The following SYNPO variants were observed in gnomAD, a reference collection of about 807,000 sequenced individuals.
SYNPO encodes the protein synaptopodin.
SYNPO carries 19 observed loss-of-function variants against 49.5 expected under a neutral mutation model. That is an observed-to-expected ratio of 0.38 (90% confidence interval 0.27 to 0.56). The LOEUF (loss-of-function observed/expected upper bound fraction) is 0.56. Ranked by LOEUF, SYNPO falls within the 20% of genes least tolerant of loss-of-function variation. SYNPO has a pLI of 0.68. For missense variants in SYNPO, 1,131 were observed against 1,248.3 expected, an observed-to-expected ratio of 0.91 and a Z score of 1.42; for synonymous variants, 536 against 548.0, an observed-to-expected ratio of 0.98 and a Z score of 0.31.
intron 1 of SYNPO, among the ~76,000 whole-genome samples, chr5:150,646,068 G>A: frequency 6.6e-6 from 1 of 152,060 alleles, no homozygotes; most frequent in East Asian, 1.9e-4. Flanking sequence ...AGTGGCTCAT[G>A]CCTATAATCT....
intron 1 of SYNPO, among the ~76,000 whole-genome samples, chr5:150,609,724 A>G (rs1359120880): frequency 6.9e-6 from 1 of 145,056 alleles, no homozygotes; most frequent in Non-Finnish European, 1.5e-5. Context: ...CCGAAATCAT[A>G]GTATCCGTCT....
In SYNPO at chr5:150,648,910, G is replaced by C; in HGVS notation, c.635G>C (p.Arg212Pro). 6.2e-7 allele frequency: 1 copy of C among 1,614,172 alleles called. No homozygotes were observed. Among genetic ancestry groups the C allele is most frequent in the South Asian group, 1.1e-5 (1 of 91,086 alleles). The part of the protein sequence containing the change: ...VVSADQEMSG[R>P]AAATTPTKVY... ...TCAGCAGATCAAGAGATGTCTGGGC[G>C]AGCAGCTGCCACCACGCCCACCAAG... Residue 212 changes from arginine (R) to proline (P), a missense_variant, in exon 2 of 3, where the codon CGA becomes CCA. Physicochemically the swap from Arg to Pro is moderately radical, Grantham distance 103. Transcript: ENST00000307662. The surrounding 1 kb of genome is among the most constrained non-coding windows in gnomAD (Gnocchi z 5.0).
At chr5:150,615,850 C>T (rs1756969619) in intron 1 of SYNPO, among the ~76,000 whole-genome samples, 1 of 152,308 alleles carries the variant, frequency 6.6e-6, no homozygotes, top group African/African-American at 2.4e-5. Context: ...GTGCCTTAGG[C>T]AAGAAGTCAC....
chr5:150,619,791 C>T (rs1056127069), intron 2 of SYNPO, among the ~76,000 whole-genome samples: 1 of 152,302 alleles, frequency 6.6e-6, no homozygotes, highest in South Asian at 2.1e-4. Context: ...CCAGCCTTCC[C>T]GCCCACTCTT....
Position 150,650,555 on chromosome 5 carries a change from T to C in SYNPO, c.2028+252T>C, listed in dbSNP as rs1758338854. 3.4e-6 allele frequency: 5 copies of C among 1,462,004 alleles called. No homozygotes were observed. The South Asian group carries it at 7.3e-5, about 21-fold the overall frequency. 90.6% of individuals were successfully genotyped at this position (1,462,004 alleles called of 1,614,324 possible). On this transcript the variant is annotated intron_variant, in intron 2 of 2. Transcript: ENST00000307662. Reference sequence around the variant, plus strand: ...CTACTACAACAGGGGTCGGACTCCATGTCTGAGCGGGGAGGAGGGTCATGG... The same window carrying C: ...CTACTACAACAGGGGTCGGACTCCACGTCTGAGCGGGGAGGAGGGTCATGG...
intron 2 of SYNPO, among the ~76,000 whole-genome samples, chr5:150,627,255 C>G (rs1581477360): frequency 6.6e-6 from 1 of 152,178 alleles, no homozygotes; most frequent in African/African-American, 2.4e-5. Flanking sequence ...ACTGGTGAGG[C>G]CCTGCAGGCT....
At chr5:150,652,609 T>A (rs1758429688) in intron 2 of SYNPO, 1 of 173,112 alleles carries the variant, frequency 5.8e-6, no homozygotes, top group South Asian at 1.9e-4. Context: ...TCCCTCAGAG[T>A]TTGGCCAAAA....
the SYNPO span, among the ~76,000 whole-genome samples, chr5:150,588,250 T>C: frequency 6.6e-5 from 10 of 152,284 alleles, 1 homozygote; most frequent in Non-Finnish European, 1.5e-4. Context: ...CCACCGGCCA[T>C]ATCTCCATGC....
At position 150,657,040 on chromosome 5, in the gene SYNPO, C is replaced by T. The variant is rs530746865; in HGVS notation, c.2665C>T (p.Arg889Trp). The change falls in exon 3 of 3, where the codon CGG becomes TGG. Residue 889 changes from arginine to tryptophan, a missense_variant. Around this residue, in one of 4 missense-constraint regions of SYNPO, gnomAD observed 509 missense variants for 484.5 expected, o/e 1.05. Transcript: ENST00000307662. ...TCCCCGCGGGTGGAATGGCAGCCTT[C>T]GGCTCAAGCGTGGCAGCCTCCCCGC... ...ICPRGWNGSL[R>W]LKRGSLPAEA... 4.4e-6 allele frequency: 7 copies of T among 1,601,374 alleles called. No individual in the cohort carries two copies. In the African/African-American group the frequency reaches 5.3e-5, roughly 12 times the overall value.
In SYNPO at chr5:150,626,737, A is replaced by G. The variant is rs564224791; in HGVS notation, c.400+7970A>G. Among the ~76,000 whole-genome samples, 184 of 152,270 alleles carry G rather than the reference A, an allele frequency of 1.2e-3. 1 individual carries two copies. The highest frequency in any genetic ancestry group is 4.2e-3 in the African/African-American group (173 of 41,556). On this transcript the variant is annotated intron_variant, in intron 2 of 2. Coordinates refer to the SYNPO transcript ENST00000394243. ...GTTCTTCCGTGGCATTTTATCCAGT[A>G]TCCGATTTTAGAATTGGGGAGACTG...
At chr5:150,616,841 A>C (rs912560989) in intron 1 of SYNPO, among the ~76,000 whole-genome samples, 1 of 151,640 alleles carries the variant, frequency 6.6e-6, no homozygotes, top group Non-Finnish European at 1.5e-5. Context: ...CCCCCTCCTC[A>C]CCACCCCTTA....
chr5:150,650,743 G>A, intron 2 of SYNPO: 4 of 1,300,778 alleles, frequency 3.1e-6, no homozygotes, highest in Non-Finnish European at 3.9e-6. Flanking sequence ...AGTGCCTGTG[G>A]AGTCAGCCAG....
intron 1 of SYNPO, among the ~76,000 whole-genome samples, chr5:150,602,665 G>A (rs996357931): frequency 1.3e-5 from 2 of 152,048 alleles, no homozygotes; most frequent in Non-Finnish European, 2.9e-5. Flanking sequence ...CTGTCACCCA[G>A]GCTGGAGTCT....
At chr5:150,587,213 G>T in the SYNPO span, among the ~76,000 whole-genome samples, 3 of 147,238 alleles carry the variant, frequency 2.0e-5, no homozygotes, top group Admixed American at 1.3e-4. Flanking sequence ...GATGGATATA[G>T]GGATGCATGG....
At chr5:150,594,541 G>A in the SYNPO span, among the ~76,000 whole-genome samples, 6 of 152,256 alleles carry the variant, frequency 3.9e-5, no homozygotes, top group South Asian at 1.2e-3. Context: ...TCACTGTGTG[G>A]CCTTTGTCAA....
intron 1 of SYNPO, among the ~76,000 whole-genome samples, chr5:150,615,530 C>T (rs935638399): frequency 6.6e-6 from 1 of 152,220 alleles, no homozygotes; most frequent in Non-Finnish European, 1.5e-5. Flanking sequence ...CCTGCAATGC[C>T]ACAGTTGGAC....
In SYNPO at chr5:150,657,130, A is replaced by G. The variant is rs1758603676; in HGVS notation, c.*43A>G. ...CACCCCGGGAGGGCAGAGCCAGAAG[A>G]AGGCTCATTAGACCTGGGGGACCCA... is the stretch of plus-strand genomic sequence containing the variant. On this transcript the variant is annotated 3_prime_UTR_variant, in exon 3 of 3. Transcript: ENST00000307662. 6.8e-7 allele frequency: 1 copy of G among 1,468,938 alleles called. No individual in the cohort carries two copies. The highest frequency in any genetic ancestry group is 1.2e-5 in the South Asian group (1 of 81,610). The allele number at this position is 1,468,938 out of a possible 1,614,324, so 91.0% of individuals were successfully genotyped here. A position where few individuals can be genotyped will look rare whatever the true frequency, so the allele number is the denominator to read the frequency against.
chr5:150,655,886 G>A (rs1212217426), intron 2 of SYNPO, among the ~76,000 whole-genome samples: 1 of 152,198 alleles, frequency 6.6e-6, no homozygotes. Context: ...CCTGACCTCA[G>A]GTGATCCACC....
In SYNPO at chr5:150,618,566, G is replaced by A. The variant is rs6579797; in HGVS notation, c.199G>A (p.Asp67Asn). ...TGAGGGGGTCAGCAGGAGTGGGGACGACTCTGCCTGCAGAGTCACCCAGGG... is the reference window on the plus strand; with the variant it reads ...TGAGGGGGTCAGCAGGAGTGGGGACAACTCTGCCTGCAGAGTCACCCAGGG... Residue 67 changes from aspartate to asparagine, a missense_variant, in exon 2 of 3, where the codon GAC becomes AAC. Coordinates refer to the SYNPO transcript ENST00000394243. The A allele has an allele frequency of 0.042, 65,004 of 1,550,392 alleles. 5,354 individuals carry two copies. Among genetic ancestry groups the A allele is most frequent in the East Asian group, 0.28 (11,407 of 40,872 alleles).
Sources: allele counts gnomAD v4.1 joint callset (sites outside exome capture counted in the v4.1 genomes callset), GRCh38; gene constraint gnomAD v4.1.1; regional missense constraint gnomAD v4.1.1; non-coding constraint Gnocchi (gnomAD v3.1); transcripts MANE v1.5; gene names NCBI Gene and HGNC (gene_info 2026-07-23, HGNC 2026-07-21).